The following LPAR1 variants were observed in gnomAD, a reference collection of about 807,000 sequenced individuals.
The protein encoded by LPAR1 is lysophosphatidic acid receptor 1, also known as LPA receptor 1.
A neutral mutation model predicts 23.8 loss-of-function variants in LPAR1; 5 were observed. The ratio of observed to expected loss-of-function variants is 0.21; its 90% confidence interval spans 0.11 to 0.44. The LOEUF (loss-of-function observed/expected upper bound fraction) is 0.44, where lower values mean the gene tolerates loss of function less well. Among genes scored for constraint, LPAR1 ranks in the 20% least tolerant of loss-of-function variants. LPAR1 has a pLI of 0.99. For missense variants in LPAR1, 311 were observed against 482.8 expected, an observed-to-expected ratio of 0.64 and a Z score of 3.33; for synonymous variants, 160 against 164.7, an observed-to-expected ratio of 0.97 and a Z score of 0.22.
At chr9:110,977,102 C>T (rs193239918) in intron 2 of LPAR1, among the ~76,000 whole-genome samples, 125 of 152,210 alleles carry the variant, frequency 8.2e-4, no homozygotes, top group East Asian at 2.3e-3. Flanking sequence ...GACTAAAACA[C>T]GATATCCTCT....
intron 2 of LPAR1, among the ~76,000 whole-genome samples, chr9:110,977,362 GAA>G (rs937015287): frequency 1.3e-5 from 2 of 152,082 alleles, no homozygotes; most frequent in Non-Finnish European, 2.9e-5. Context: ...AAACACATGG[GAA>G]AAAGACACTC....
intron 2 of LPAR1, among the ~76,000 whole-genome samples, chr9:110,976,255 C>T (rs1016094656): frequency 4.7e-5 from 7 of 150,448 alleles, no homozygotes; most frequent in Admixed American, 6.7e-5. Flanking sequence ...CATTTTGAGA[C>T]GCCGATGTGG....
At chr9:110,959,185 A>AAAAAAC (rs2095865241) in intron 4 of LPAR1, among the ~76,000 whole-genome samples, 2 of 146,518 alleles carry the variant, frequency 1.4e-5, no homozygotes, top group East Asian at 2.0e-4. Flanking sequence ...AAAAAAAAAA[A>AAAAAAC]CCACTAAAAC....
In LPAR1 at chr9:110,888,803, C is replaced by T. The variant is rs142765818; in HGVS notation, c.794-13081G>A. 2.1e-3 allele frequency among the ~76,000 whole-genome samples: 320 copies of T among 152,230 alleles called. 1 individual carries two copies. The highest frequency in any genetic ancestry group is 7.5e-3 in the African/African-American group (312 of 41,542). On this transcript the variant is annotated intron_variant, in intron 5 of 5. Transcript: ENST00000683809. ...AGATCATAGACACATTTTGACCATACAGCTGATATGTATGGCTAACAGACT... is the reference window on the plus strand; with the variant it reads ...AGATCATAGACACATTTTGACCATATAGCTGATATGTATGGCTAACAGACT...
At chr9:110,876,777 G>GT (rs1264735131) in intron 5 of LPAR1, among the ~76,000 whole-genome samples, 1 of 152,152 alleles carries the variant, frequency 6.6e-6, no homozygotes. Context: ...TACTATAACT[G>GT]TAAGAGGAAT....
intron 5 of LPAR1, among the ~76,000 whole-genome samples, chr9:110,885,112 AT>A (rs1210354780): frequency 1.3e-5 from 2 of 152,310 alleles, no homozygotes; most frequent in East Asian, 3.9e-4. Context: ...ATACTTTTGC[AT>A]AGTAATATGT....
At position 110,881,122 on chromosome 9, in the gene LPAR1, T is replaced by C. The variant is rs183355732; in HGVS notation, c.794-5400A>G. Among the ~76,000 whole-genome samples, 428 of 152,286 alleles carry C rather than the reference T, an allele frequency of 2.8e-3. 2 individuals are homozygous for C. Among genetic ancestry groups the C allele is most frequent in the Non-Finnish European group, 4.7e-3 (320 of 68,026 alleles). On this transcript the variant is annotated intron_variant, in intron 5 of 5. Coordinates refer to ENST00000683809, the MANE Select transcript of LPAR1 (RefSeq NM_001351411.2). Reference sequence around the variant, plus strand: ...TTCCTGACTATTGAAACTATATAATTTACCTGAGGTATCTCCACAGTATTA... The same window carrying C: ...TTCCTGACTATTGAAACTATATAATCTACCTGAGGTATCTCCACAGTATTA...
chr9:110,966,715 C>G (rs1453030962), intron 4 of LPAR1, among the ~76,000 whole-genome samples: 1 of 151,950 alleles, frequency 6.6e-6, no homozygotes, highest in Non-Finnish European at 1.5e-5. Context: ...ATGAAAAATA[C>G]TGATAAAGAA....
chr9:111,022,712 C>T (rs559427546), intron 2 of LPAR1, among the ~76,000 whole-genome samples: 1 of 152,064 alleles, frequency 6.6e-6, no homozygotes, highest in Non-Finnish European at 1.5e-5. Context: ...TCCTGCATAT[C>T]GAACACAACT....
intron 4 of LPAR1, among the ~76,000 whole-genome samples, chr9:110,970,510 T>C (rs559404254): frequency 2.6e-5 from 4 of 152,174 alleles, no homozygotes; most frequent in Non-Finnish European, 5.9e-5. Flanking sequence ...AAAATAATAC[T>C]AAAGGCCTTA....
intron 2 of LPAR1, among the ~76,000 whole-genome samples, chr9:111,017,550 C>T (rs566849549): frequency 4.1e-4 from 63 of 152,114 alleles, no homozygotes; most frequent in Non-Finnish European, 7.4e-4. Flanking sequence ...TGAGCTTATG[C>T]GGGTAAATAT....
At chr9:110,946,468 T>C (rs890864730) in intron 4 of LPAR1, among the ~76,000 whole-genome samples, 3 of 152,006 alleles carry the variant, frequency 2.0e-5, no homozygotes, top group African/African-American at 4.8e-5. Context: ...AAGTCAAATA[T>C]CTAAAGACAG....
chr9:110,984,810 A>C (rs528620533), intron 2 of LPAR1, among the ~76,000 whole-genome samples: 16 of 152,138 alleles, frequency 1.1e-4, no homozygotes, highest in Non-Finnish European at 1.9e-4. Context: ...TAGGAAAAAA[A>C]AAAAGCTATA....
intron 5 of LPAR1, among the ~76,000 whole-genome samples, chr9:110,882,400 A>G (rs1411692206): frequency 6.6e-6 from 1 of 152,242 alleles, no homozygotes. Flanking sequence ...AGAAAAATTA[A>G]TAAGTAGAAA....
chr9:111,006,716 T>C (rs147030920), intron 2 of LPAR1, among the ~76,000 whole-genome samples: 74 of 152,290 alleles, frequency 4.9e-4, no homozygotes, highest in African/African-American at 1.7e-3. Flanking sequence ...GAATTGAGTA[T>C]GAAAAATAAA....
intron 2 of LPAR1, among the ~76,000 whole-genome samples, chr9:110,975,414 T>C (rs1246093242): frequency 6.6e-6 from 1 of 152,184 alleles, no homozygotes; most frequent in African/African-American, 2.4e-5. Flanking sequence ...AGGCAGATAC[T>C]ATTCAGTTAT....
intron 2 of LPAR1, among the ~76,000 whole-genome samples, chr9:111,030,655 A>G (rs971393417): frequency 6.6e-6 from 1 of 152,174 alleles, no homozygotes; most frequent in Non-Finnish European, 1.5e-5. Context: ...CCTTGTGGCA[A>G]TAATATTCTC....
At position 111,038,418 on chromosome 9, in the gene LPAR1, G is replaced by A; in HGVS notation, c.-513C>T. ...GATCCGGCCCGCGCTCCGCAGCGGG[G>A]CTGGAGACGGAGTCGCCACTCAGGG... On this transcript the variant is annotated 5_prime_UTR_variant, in exon 1 of 6. Transcript: ENST00000683809. This position sits in a 1 kb window ranked among gnomAD's most constrained non-coding sequence, Gnocchi z 4.4. The A allele has an allele frequency of 3.2e-6, 1 of 308,926 alleles. No individual in the cohort carries two copies. The highest frequency in any genetic ancestry group is 6.3e-6 in the Non-Finnish European group (1 of 158,016). 19.1% of individuals were successfully genotyped at this position (308,926 alleles called of 1,614,324 possible). A position where few individuals can be genotyped will look rare whatever the true frequency, so the allele number is the denominator to read the frequency against.
chr9:110,922,878 T>G (rs2093734246), intron 5 of LPAR1, among the ~76,000 whole-genome samples: 1 of 150,418 alleles, frequency 6.6e-6, no homozygotes, highest in African/African-American at 2.4e-5. Flanking sequence ...CTGGGGTACA[T>G]ATGCAGAACG....
Sources: allele counts gnomAD v4.1 joint callset (sites outside exome capture counted in the v4.1 genomes callset), GRCh38; gene constraint gnomAD v4.1.1; non-coding constraint Gnocchi (gnomAD v3.1); transcripts MANE v1.5; gene names NCBI Gene and HGNC (gene_info 2026-07-23, HGNC 2026-07-21).